The following MAST4 variants were observed in gnomAD, a reference collection of about 807,000 sequenced individuals.
MAST4 encodes microtubule associated serine/threonine kinase family member 4.
In MAST4, 89 loss-of-function variants were observed where a neutral mutation model predicts 162.7. The ratio of observed to expected loss-of-function variants is 0.55; its 90% confidence interval spans 0.46 to 0.65. The LOEUF is 0.65. Among genes scored for constraint, MAST4 ranks in the 30% least tolerant of loss-of-function variants. The probability of loss-of-function intolerance (pLI) is 0.00; values close to 1 mark genes in which losing one functional copy is unlikely to be tolerated. For synonymous variants in MAST4, 1,479 were observed against 1,361.1 expected, an observed-to-expected ratio of 1.09 and a Z score of -1.91; for missense variants, 3,153 against 3,374.0, an observed-to-expected ratio of 0.93 and a Z score of 1.62.
chr5:66,896,143 A>G (rs460799), intron 3 of MAST4, among the ~76,000 whole-genome samples: 107,761 of 152,040 alleles, frequency 0.71, 38,436 homozygotes, highest in Middle Eastern at 0.77. Context: ...TGTGACAGTT[A>G]GTCAATTTAT....
At chr5:66,879,610 T>C (rs927792484) in intron 3 of MAST4, among the ~76,000 whole-genome samples, 4 of 152,154 alleles carry the variant, frequency 2.6e-5, no homozygotes, top group Non-Finnish European at 5.9e-5. Flanking sequence ...CTCCCCAGGC[T>C]CAGGTGATCC....
Position 67,163,275 on chromosome 5 carries a change from G to A in MAST4, c.4096G>A (p.Gly1366Arg), listed in dbSNP as rs368420355. The change falls in exon 29 of 29, where the codon GGA becomes AGA. Residue 1366 changes from glycine (G) to arginine (R), a missense_variant. Transcript: ENST00000403625. The surrounding 1 kb of genome is among the most constrained non-coding windows in gnomAD (Gnocchi z 7.0). ...ACTCGGCGGGCAGCGGTACCGGTCC[G>A]GAAGGCGAAAGTCCGCCGGCAACAT... ...PKLGGQRYRS[G>R]RRKSAGNIPL... The A allele has an allele frequency of 6.8e-6, 11 of 1,613,224 alleles. No individual in the cohort carries two copies. In the African/African-American group the frequency reaches 1.2e-4, roughly 18 times the overall value.
chr5:66,821,877 A>G (rs554103649), intron 3 of MAST4, among the ~76,000 whole-genome samples: 2 of 152,156 alleles, frequency 1.3e-5, no homozygotes, highest in East Asian at 3.9e-4. Flanking sequence ...TGAGATGGTA[A>G]TGGCCTGGAG....
intron 4 of MAST4, among the ~76,000 whole-genome samples, chr5:66,902,943 G>A (rs1417424037): frequency 2.0e-5 from 3 of 151,976 alleles, no homozygotes; most frequent in East Asian, 3.9e-4. Context: ...TGTCAAAATC[G>A]TGATATAGTC....
intron 4 of MAST4, among the ~76,000 whole-genome samples, chr5:67,007,561 CT>C (rs1433142731): frequency 1.3e-5 from 2 of 152,150 alleles, no homozygotes; most frequent in Non-Finnish European, 1.5e-5. Context: ...TTTATCTTAG[CT>C]TTTTCTTTAA....
In MAST4 at chr5:66,602,924, G is replaced by C. The variant is rs146896394; in HGVS notation, c.363+5906G>C. Among the ~76,000 whole-genome samples, 980 of 152,214 alleles carry C rather than the reference G, an allele frequency of 6.4e-3. 11 individuals carry two copies. The highest frequency in any genetic ancestry group is 0.022 in the African/African-American group (921 of 41,528). On this transcript the variant is annotated intron_variant, in intron 1 of 28. Coordinates refer to ENST00000403625, the MANE Select transcript of MAST4 (RefSeq NM_001164664.2). ...ATGGGCCTGTAGTTTTTATTCCTGA[G>C]GGTCATTATAAGGATTAATGAGATG...
intron 3 of MAST4, among the ~76,000 whole-genome samples, chr5:66,789,453 C>T (rs377086500): frequency 1.4e-4 from 21 of 152,238 alleles, no homozygotes; most frequent in African/African-American, 5.1e-4. Context: ...TCTTTAGTCC[C>T]CTTTAATCTG....
intron 2 of MAST4, among the ~76,000 whole-genome samples, chr5:66,783,623 G>C (rs1028757506): frequency 2.6e-5 from 4 of 152,160 alleles, no homozygotes; most frequent in Admixed American, 2.6e-4. Flanking sequence ...GGTAACAAAG[G>C]AATTGAGGGC....
chr5:67,038,757 TTTC>T (rs1756351834), intron 4 of MAST4, among the ~76,000 whole-genome samples: 1 of 152,126 alleles, frequency 6.6e-6, no homozygotes. Flanking sequence ...ATGAAAATGA[TTTC>T]TTATTATTTG....
chr5:67,015,216 C>A (rs1753136173), intron 4 of MAST4, among the ~76,000 whole-genome samples: 1 of 152,146 alleles, frequency 6.6e-6, no homozygotes, highest in Non-Finnish European at 1.5e-5. Context: ...CTCGTCATGA[C>A]CTATTGTTCC....
intron 1 of MAST4, among the ~76,000 whole-genome samples, chr5:66,714,389 A>G (rs886358521): frequency 6.6e-6 from 1 of 152,184 alleles, no homozygotes; most frequent in Non-Finnish European, 1.5e-5. Flanking sequence ...CACAAGAATG[A>G]GGCTCTCTGA....
intron 3 of MAST4, among the ~76,000 whole-genome samples, chr5:66,826,122 T>C (rs1184892046): frequency 6.6e-6 from 1 of 152,176 alleles, no homozygotes; most frequent in Non-Finnish European, 1.5e-5. Context: ...TGATGTTATT[T>C]TTCAGCAGCC....
chr5:66,836,337 C>T (rs1757968002), intron 3 of MAST4, among the ~76,000 whole-genome samples: 1 of 152,162 alleles, frequency 6.6e-6, no homozygotes, highest in Non-Finnish European at 1.5e-5. Flanking sequence ...TGCTTATACA[C>T]TGTGGGTGGG....
chr5:66,707,859 A>G lies in MAST4; in HGVS notation c.364-51850A>G, dbSNP rs115818069. The stretch of plus-strand genomic sequence containing the variant: ...GCTGTGGTAATGAACAGTGGGTTCT[A>G]CACCCTGGAACCCAGGTTGATTTCT... On this transcript the variant is annotated intron_variant, in intron 1 of 28. Transcript: ENST00000403625. 1.7e-3 allele frequency among the ~76,000 whole-genome samples: 262 copies of G among 152,240 alleles called. 1 individual carries two copies. Among genetic ancestry groups the G allele is most frequent in the African/African-American group, 5.9e-3 (245 of 41,526 alleles).
At chr5:66,837,884 ATATATATATATTTTTTTTTT>A (rs201945137) in intron 3 of MAST4, among the ~76,000 whole-genome samples, 15,941 of 77,456 alleles carry the variant, frequency 0.21, 1,359 homozygotes, top group East Asian at 0.49. Flanking sequence ...ATATATATAT[ATATATATATATTTTTTTTTT>A]TTTTTTTTTT....
intron 20 of MAST4, 74 bp from the exon 21 acceptor site, chr5:67,142,347 A>T: frequency 1.3e-6 from 2 of 1,518,038 alleles, no homozygotes; most frequent in Non-Finnish European, 1.8e-6. Context: ...ATGTTGATCC[A>T]GAAAATCATA....
Position 67,105,910 on chromosome 5 carries a change from A to G in MAST4, c.1356+1335A>G, listed in dbSNP as rs548909628. ...TCACCTAGGATGGTGTGTGACACATAGAAGGACTTTAATATTTTTTGAGTG... is the reference window on the plus strand; with the variant it reads ...TCACCTAGGATGGTGTGTGACACATGGAAGGACTTTAATATTTTTTGAGTG... On this transcript the variant is annotated intron_variant, in intron 10 of 28. Transcript: ENST00000403625. 2.0e-5 allele frequency among the ~76,000 whole-genome samples: 3 copies of G among 152,270 alleles called. No individual in the cohort carries two copies. The East Asian group carries it at 5.8e-4, about 29-fold the overall frequency.
At chr5:67,058,688 T>C (rs1759171320) in intron 5 of MAST4, among the ~76,000 whole-genome samples, 1 of 152,242 alleles carries the variant, frequency 6.6e-6, no homozygotes, top group South Asian at 2.1e-4. Context: ...CATGTGCATC[T>C]GTGTTTTAGA....
intron 4 of MAST4, among the ~76,000 whole-genome samples, chr5:66,942,222 G>A (rs1449106933): frequency 6.6e-6 from 1 of 151,992 alleles, no homozygotes; most frequent in African/African-American, 2.4e-5. Flanking sequence ...ATAAAACTAG[G>A]TATGTCTATT....
Sources: gnomAD v4.1 joint callset for allele counts (sites outside exome capture counted in the v4.1 genomes callset) on GRCh38, gnomAD v4.1.1 for gene constraint, Gnocchi (gnomAD v3.1) non-coding constraint, MANE v1.5 for transcripts, NCBI Gene and HGNC (gene_info 2026-07-23, HGNC 2026-07-21) for gene names.